BCAT1: variants seen among roughly 807,000 people sequenced by gnomAD.
BCAT1 encodes the protein branched chain amino acid transaminase 1.
BCAT1 carries 48 observed loss-of-function variants against 52.4 expected under a neutral mutation model. The ratio of observed to expected loss-of-function variants is 0.92; its 90% CI spans 0.73 to 1.16. The LOEUF is 1.16. Ranked by LOEUF, BCAT1 falls within the 50% of genes most tolerant of loss-of-function variation. The pLI is 0.00. For synonymous variants in BCAT1, 167 were observed against 161.3 expected (o/e 1.04, Z -0.27); for missense variants, 451 against 457.1 (o/e 0.99, Z 0.12).
At position 24,867,421 on chromosome 12, in the gene BCAT1, A is replaced by C. The variant is rs944075620; in HGVS notation, c.510+11109T>G. On this transcript the variant is annotated intron_variant, in intron 5 of 10. Coordinates refer to ENST00000261192, the MANE Select transcript of BCAT1 (RefSeq NM_005504.7). ...AATTGTTATTGGCTAAGCAGCAGTT[A>C]TGGCAAAGCTGTCATTGCCAAACGT... 2.1e-5 allele frequency among the ~76,000 whole-genome samples: 3 copies of C among 145,826 alleles called. No individual in the cohort carries two copies. The Admixed American group carries it at 2.1e-4, about 10-fold the overall frequency.
intron 1 of BCAT1, among the ~76,000 whole-genome samples, chr12:24,933,703 C>T (rs751927566): frequency 3.3e-5 from 5 of 151,978 alleles, no homozygotes; most frequent in Non-Finnish European, 7.4e-5. Context: ...TCAGAACAGA[C>T]ACACACAGGG....
At chr12:24,924,207 A>G (rs1485505621) in intron 1 of BCAT1, among the ~76,000 whole-genome samples, 2 of 152,238 alleles carry the variant, frequency 1.3e-5, no homozygotes, top group Admixed American at 1.3e-4. Context: ...AGTAACTTGT[A>G]AGAAAATAAC....
intron 1 of BCAT1, chr12:24,903,239 T>C: frequency 1.3e-6 from 1 of 762,130 alleles, no homozygotes; most frequent in Non-Finnish European, 1.8e-6. Context: ...GTTGTCCCTG[T>C]CACCGGGGTC....
In BCAT1 at chr12:24,813,720, G is replaced by T. The variant is rs916876334; in HGVS notation, c.*4288C>A. 4.6e-5 allele frequency: 7 copies of T among 152,064 alleles called. No individual in the cohort carries two copies. Among genetic ancestry groups the T allele is most frequent in the African/African-American group, 1.4e-4 (6 of 41,442 alleles). The allele number at this position is 152,064 out of a possible 1,614,324, so 9.4% of individuals were successfully genotyped here. A position where few individuals can be genotyped will look rare whatever the true frequency, so the allele number is the denominator to read the frequency against. Reference sequence around the variant, plus strand: ...CTTATTAAGTAGTTTTGCACTAGAAGAAAGGAAGGAATTAAAGAAGGATAA... The same window carrying T: ...CTTATTAAGTAGTTTTGCACTAGAATAAAGGAAGGAATTAAAGAAGGATAA... On this transcript the variant is annotated 3_prime_UTR_variant, in exon 11 of 11. Transcript: ENST00000261192.
chr12:24,895,831 T>C (rs1942948297), intron 2 of BCAT1, among the ~76,000 whole-genome samples: 1 of 152,170 alleles, frequency 6.6e-6, no homozygotes, highest in South Asian at 2.1e-4. Context: ...AATTGTATTT[T>C]TAGAATAATA....
intron 5 of BCAT1, among the ~76,000 whole-genome samples, chr12:24,861,480 A>G (rs1941847521): frequency 6.6e-6 from 1 of 152,240 alleles, no homozygotes. Context: ...AATCTTCCAG[A>G]TATCACCTTT....
intron 8 of BCAT1, chr12:24,834,945 G>A (rs371129360): frequency 3.0e-5 from 7 of 236,906 alleles, no homozygotes; most frequent in East Asian, 1.8e-4. Flanking sequence ...GGCATTTCAC[G>A]TCTCATGTTT....
intron 5 of BCAT1, among the ~76,000 whole-genome samples, chr12:24,850,430 C>A (rs965157163): frequency 6.6e-6 from 1 of 152,106 alleles, no homozygotes; most frequent in Non-Finnish European, 1.5e-5. Flanking sequence ...TAGGTGCAGG[C>A]GAATGTGTCA....
Position 24,813,719 on chromosome 12 carries a change from A to AT in BCAT1, c.*4288_*4289insA, listed in dbSNP as rs1939773329. 6.6e-6 allele frequency: 1 copy of AT among 152,106 alleles called. No individual in the cohort carries two copies. The highest frequency in any genetic ancestry group is 2.4e-5 in the African/African-American group (1 of 41,448). 9.4% of individuals were successfully genotyped at this position (152,106 alleles called of 1,614,324 possible). A position where few individuals can be genotyped will look rare whatever the true frequency, so the allele number is the denominator to read the frequency against. On this transcript the variant is annotated 3_prime_UTR_variant, in exon 11 of 11. Transcript: ENST00000261192. ...CCTTATTAAGTAGTTTTGCACTAGA[A>AT]GAAAGGAAGGAATTAAAGAAGGATA...
At chr12:24,843,460 G>A (rs2139437687) in intron 6 of BCAT1, among the ~76,000 whole-genome samples, 1 of 152,184 alleles carries the variant, frequency 6.6e-6, no homozygotes, top group Non-Finnish European at 1.5e-5. Flanking sequence ...AGAATTAGCT[G>A]GGCGTGGTGG....
chr12:24,854,596 T>C (rs1237788662), intron 5 of BCAT1, among the ~76,000 whole-genome samples: 2 of 152,158 alleles, frequency 1.3e-5, no homozygotes, highest in Non-Finnish European at 2.9e-5. Context: ...TGTGTTTATA[T>C]AGGAAAAGCT....
chr12:24,917,794 A>G (rs1226525461), intron 1 of BCAT1, among the ~76,000 whole-genome samples: 1 of 152,230 alleles, frequency 6.6e-6, no homozygotes, highest in Admixed American at 6.5e-5. Context: ...AGTTGTTCTG[A>G]CAGAGAGAGG....
intron 7 of BCAT1, among the ~76,000 whole-genome samples, chr12:24,839,206 T>C (rs956093162): frequency 6.6e-6 from 1 of 152,168 alleles, no homozygotes; most frequent in Non-Finnish European, 1.5e-5. Flanking sequence ...AAATGGAGTT[T>C]ATGATTTTGA....
intron 10 of BCAT1, among the ~76,000 whole-genome samples, chr12:24,822,702 A>G (rs961023014): frequency 3.3e-5 from 5 of 152,174 alleles, no homozygotes; most frequent in Non-Finnish European, 7.3e-5. Flanking sequence ...TTACTAAACA[A>G]TTTGTAGCAC....
Position 24,857,739 on chromosome 12 carries a change from A to T in BCAT1, c.511-7790T>A, listed in dbSNP as rs114088155. 6.4e-3 allele frequency among the ~76,000 whole-genome samples: 982 copies of T among 152,316 alleles called. 14 individuals carry two copies. Among genetic ancestry groups the T allele is most frequent in the African/African-American group, 0.023 (955 of 41,574 alleles). ...TGAAGGCAAGCAAATCCCTCTCAAA[A>T]TCCAAGGCATTGCTCTGATTTGCAT... On this transcript the variant is annotated intron_variant, in intron 5 of 10. Transcript: ENST00000261192.
chr12:24,841,426 G>C (rs1251698444), intron 7 of BCAT1, among the ~76,000 whole-genome samples: 2 of 152,196 alleles, frequency 1.3e-5, no homozygotes, highest in Non-Finnish European at 2.9e-5. Context: ...TCTGAGACCT[G>C]TGTCTCAATG....
intron 1 of BCAT1, among the ~76,000 whole-genome samples, chr12:24,907,096 G>C (rs995990578): frequency 1.3e-5 from 2 of 152,112 alleles, no homozygotes; most frequent in African/African-American, 4.8e-5. Context: ...CTTTTGCTAG[G>C]CTCTTTCTTT....
At chr12:24,927,794 T>C (rs972937421) in intron 1 of BCAT1, among the ~76,000 whole-genome samples, 6 of 152,196 alleles carry the variant, frequency 3.9e-5, no homozygotes, top group Non-Finnish European at 7.3e-5. Context: ...TATATAACCA[T>C]TCATTGAATG....
chr12:24,894,272 T>C lies in BCAT1; in HGVS notation c.279+3A>G, dbSNP rs1281449467. Reference sequence around the variant, plus strand: ...TCACTCTCTTTAATTCCCATGTACTTACTTCCACTGCATAGTGCAAAGCTG... The same window carrying C: ...TCACTCTCTTTAATTCCCATGTACTCACTTCCACTGCATAGTGCAAAGCTG... On this transcript the variant is annotated splice_donor_region_variant and intron_variant, in intron 3 of 10. Transcript: ENST00000261192. The C allele has an allele frequency of 2.5e-6, 4 of 1,613,590 alleles. No individual in the cohort carries two copies. In the African/African-American group the frequency reaches 4.0e-5, roughly 16 times the overall value.
Sources: gnomAD v4.1 joint callset for allele counts (sites outside exome capture counted in the v4.1 genomes callset) on GRCh38, gnomAD v4.1.1 for gene constraint, MANE v1.5 for transcripts, NCBI Gene and HGNC (gene_info 2026-07-23, HGNC 2026-07-21) for gene names.